FAT4: variants seen among roughly 807,000 people sequenced by gnomAD.
FAT4 encodes the protein protocadherin Fat 4.
FAT4 carries 84 observed loss-of-function variants against 303.9 expected under a neutral mutation model. That is an observed-to-expected ratio of 0.28 (90% CI 0.23 to 0.33). FAT4 has a LOEUF of 0.33. Among genes scored for constraint, FAT4 ranks in the 10% least tolerant of loss-of-function variants. The probability of loss-of-function intolerance (pLI) is 1.00; values close to 1 mark genes in which losing one functional copy is unlikely to be tolerated. For synonymous variants in FAT4, 2,307 were observed against 2,298.8 expected, an observed-to-expected ratio of 1.00 and a Z score of -0.10; for missense variants, 6,005 against 6,146.8, an observed-to-expected ratio of 0.98 and a Z score of 0.77.
At chr4:125,444,026 T>G (rs1178245975) in intron 8 of FAT4, among the ~76,000 whole-genome samples, 1 of 152,188 alleles carries the variant, frequency 6.6e-6, no homozygotes, top group Non-Finnish European at 1.5e-5. Flanking sequence ...AATTAGATAT[T>G]AATGACTATT....
intron 3 of FAT4, among the ~76,000 whole-genome samples, chr4:125,405,418 A>G (rs767381717): frequency 2.0e-5 from 3 of 152,000 alleles, no homozygotes; most frequent in Non-Finnish European, 4.4e-5. Flanking sequence ...TTGTTATGAT[A>G]GCCATGCCAA....
At chr4:125,470,827 C>T (rs1480193978) in intron 12 of FAT4, among the ~76,000 whole-genome samples, 1 of 152,196 alleles carries the variant, frequency 6.6e-6, no homozygotes, top group Non-Finnish European at 1.5e-5. Context: ...TGGAGTAGCA[C>T]CTTTAATTTC....
chr4:125,360,630 C>T (rs772746568), intron 2 of FAT4, among the ~76,000 whole-genome samples: 2 of 152,084 alleles, frequency 1.3e-5, no homozygotes, highest in Non-Finnish European at 2.9e-5. Context: ...AAGAGGCTGA[C>T]CAGCAAAGCC....
Position 125,317,880 on chromosome 4 carries a change from C to T in FAT4, c.1469C>T (p.Pro490Leu). The T allele has an allele frequency of 6.2e-7, 1 of 1,614,152 alleles. No individual in the cohort carries two copies. The highest frequency in any genetic ancestry group is 8.5e-7 in the Non-Finnish European group (1 of 1,180,002). ...YRVNLSEEAP[P>L]GSYVSGISAT... The stretch of plus-strand genomic sequence containing the variant: ...GTGAACCTGAGCGAGGAGGCGCCTC[C>T]GGGAAGCTATGTGAGTGGGATATCT... Residue 490 changes from proline to leucine, a missense_variant, in exon 2 of 18, where the codon CCG (proline) becomes CTG (leucine). Transcript: ENST00000394329. The surrounding 1 kb of genome is among the most constrained non-coding windows in gnomAD (Gnocchi z 7.0).
intron 2 of FAT4, among the ~76,000 whole-genome samples, chr4:125,384,922 C>G (rs115259908): frequency 0.059 from 8,698 of 147,150 alleles, 401 homozygotes; most frequent in East Asian, 0.2. Flanking sequence ...TACTCAGTAA[C>G]AAAATAATTT....
At chr4:125,482,715 G>T (rs1727271058) in intron 16 of FAT4, among the ~76,000 whole-genome samples, 2 of 151,936 alleles carry the variant, frequency 1.3e-5, no homozygotes, top group African/African-American at 4.8e-5. Flanking sequence ...AATTTGTTCA[G>T]AAAAATTATT....
At chr4:125,445,822 C>T (rs1440749406) in intron 8 of FAT4, among the ~76,000 whole-genome samples, 1 of 152,236 alleles carries the variant, frequency 6.6e-6, no homozygotes, top group East Asian at 1.9e-4. Context: ...GAAGCAGATA[C>T]ATGTCAAATA....
At chr4:125,461,684 A>T (rs1438293213) in intron 10 of FAT4, among the ~76,000 whole-genome samples, 1 of 152,040 alleles carries the variant, frequency 6.6e-6, no homozygotes, top group Non-Finnish European at 1.5e-5. Flanking sequence ...GCACAAGTGA[A>T]AATTATGTGT....
chr4:125,473,236 C>A (rs1173963305), intron 12 of FAT4, among the ~76,000 whole-genome samples: 1 of 151,948 alleles, frequency 6.6e-6, no homozygotes, highest in Non-Finnish European at 1.5e-5. Flanking sequence ...CCAACACAAC[C>A]CACATATAAC....
chr4:125,435,339 C>T (rs1170555108), intron 8 of FAT4, among the ~76,000 whole-genome samples: 4 of 152,060 alleles, frequency 2.6e-5, no homozygotes, highest in African/African-American at 9.7e-5. Flanking sequence ...TTTTATACCC[C>T]TCCTCCACTT....
At chr4:125,335,086 A>G (rs1731518686) in intron 2 of FAT4, among the ~76,000 whole-genome samples, 1 of 152,180 alleles carries the variant, frequency 6.6e-6, no homozygotes, top group Admixed American at 6.5e-5. Flanking sequence ...AAGTGGGAGT[A>G]GAATTTTCTC....
chr4:125,388,868 G>A (rs1036385915), intron 2 of FAT4, among the ~76,000 whole-genome samples: 1 of 152,112 alleles, frequency 6.6e-6, no homozygotes, highest in African/African-American at 2.4e-5. Flanking sequence ...AGCCATTCTT[G>A]TCACTCCTGG....
chr4:125,349,039 C>T lies in FAT4; in HGVS notation c.5175+27453C>T, dbSNP rs145117614. 4.1e-3 allele frequency among the ~76,000 whole-genome samples: 617 copies of T among 151,598 alleles called. 2 individuals are homozygous for T. The highest frequency in any genetic ancestry group is 0.014 in the African/African-American group (581 of 41,418). On this transcript the variant is annotated intron_variant, in intron 2 of 17. Transcript: ENST00000394329. ...ATGTTGCATTTAGTTTTCGTTACCA[C>T]GATTAGGAAAGATTCTGAAAAAGGA... is the stretch of plus-strand genomic sequence containing the variant.
intron 8 of FAT4, among the ~76,000 whole-genome samples, chr4:125,438,536 C>T (rs1378747946): frequency 1.3e-5 from 2 of 151,874 alleles, no homozygotes; most frequent in Non-Finnish European, 1.5e-5. Flanking sequence ...ATCCAAAAAC[C>T]CCATCAGTGA....
rs1323493463 is a variant in FAT4, at chr4:125,427,200, AATT to A, written c.7019-7042_7019-7040del. ...TATTTTTTATTTTATAATTTTTAAA[AATT>A]ATGATAAGATGTACTTATCATTACA... On this transcript the variant is annotated intron_variant, in intron 7 of 17. Transcript: ENST00000394329. 1.4e-4 allele frequency among the ~76,000 whole-genome samples: 21 copies of A among 151,798 alleles called. No homozygotes were observed. In the East Asian group the frequency reaches 1.5e-3, roughly 11 times the overall value.
intron 3 of FAT4, 43 bp downstream of exon 3, chr4:125,398,958 A>T (rs1338403647): frequency 1.3e-6 from 2 of 1,598,944 alleles, no homozygotes; most frequent in Admixed American, 3.4e-5. Flanking sequence ...TTCGTAGTGC[A>T]GTGATTTATC....
At chr4:125,385,007 TATA>T (rs1733681161) in intron 2 of FAT4, among the ~76,000 whole-genome samples, 1 of 73,360 alleles carries the variant, frequency 1.4e-5, no homozygotes. Flanking sequence ...TATACATATA[TATA>T]TATATATATA....
chr4:125,460,353 G>A (rs1726440172), intron 10 of FAT4, among the ~76,000 whole-genome samples: 1 of 151,824 alleles, frequency 6.6e-6, no homozygotes, highest in African/African-American at 2.4e-5. Context: ...CATGTCACAG[G>A]GTTCGTTATA....
intron 2 of FAT4, among the ~76,000 whole-genome samples, chr4:125,365,703 A>G (rs112777687): frequency 6.9e-4 from 105 of 152,352 alleles, no homozygotes; most frequent in African/African-American, 2.4e-3. Flanking sequence ...AATAAAGTAT[A>G]TGATAAAGTA....
Sources: gnomAD v4.1 joint callset for allele counts (sites outside exome capture counted in the v4.1 genomes callset) on GRCh38, gnomAD v4.1.1 for gene constraint, Gnocchi (gnomAD v3.1) non-coding constraint, MANE v1.5 for transcripts, NCBI Gene and HGNC (gene_info 2026-07-23, HGNC 2026-07-21) for gene names.